EVI5: variants seen among roughly 807,000 people sequenced by gnomAD.
The protein encoded by EVI5 is ecotropic viral integration site 5 protein homolog.
EVI5 carries 73 observed loss-of-function variants against 112.0 expected under a neutral mutation model. That is an observed-to-expected ratio of 0.65 (90% confidence interval 0.54 to 0.79). EVI5 has a LOEUF of 0.79. Ranked by LOEUF, EVI5 falls within the 30% of genes least tolerant of loss-of-function variation. The pLI, the probability that EVI5 is intolerant of heterozygous loss-of-function variation, is 0.00. For missense variants in EVI5, 900 were observed against 968.8 expected, an observed-to-expected ratio of 0.93 and a Z score of 0.94; for synonymous variants, 305 against 319.9, an observed-to-expected ratio of 0.95 and a Z score of 0.50.
intron 10 of EVI5, among the ~76,000 whole-genome samples, chr1:92,675,021 A>G (rs1169990462): frequency 2.6e-5 from 4 of 152,244 alleles, no homozygotes; most frequent in Admixed American, 6.5e-5. Flanking sequence ...TATGAACTAT[A>G]TATTTCCTCA....
At chr1:92,663,280 C>T (rs1664324375) in intron 12 of EVI5, 140 bp downstream of exon 12, 2 of 443,062 alleles carry the variant, frequency 4.5e-6, no homozygotes. Context: ...AATTTATACC[C>T]ACATATACCA....
chr1:92,622,646 T>G (rs1654841503), intron 16 of EVI5, among the ~76,000 whole-genome samples: 1 of 152,238 alleles, frequency 6.6e-6, no homozygotes, highest in South Asian at 2.1e-4. Context: ...TACCCTATAC[T>G]ATTTTTATTT....
intron 19 of EVI5, among the ~76,000 whole-genome samples, chr1:92,559,099 T>G (rs1668118515): frequency 6.6e-6 from 1 of 152,296 alleles, no homozygotes; most frequent in East Asian, 1.9e-4. Flanking sequence ...CCTGTATACT[T>G]CAAATCATCT....
rs1474996611 is a variant in EVI5, at chr1:92,661,092, T to C, written c.1392+1627A>G. ...TTGGCAAAACAGGACTAGAATCTAG[T>C]TCCATAAATAAAATCCAAAGCTCTT... On this transcript the variant is annotated intron_variant, in intron 13 of 19. Transcript: ENST00000684568. 7.2e-5 allele frequency among the ~76,000 whole-genome samples: 11 copies of C among 152,094 alleles called. No individual in the cohort carries two copies. In the East Asian group the frequency reaches 1.2e-3, roughly 16 times the overall value.
At chr1:92,645,472 C>T (rs572261740) in intron 13 of EVI5, among the ~76,000 whole-genome samples, 13 of 152,298 alleles carry the variant, frequency 8.5e-5, no homozygotes, top group Admixed American at 2.0e-4. Flanking sequence ...CTGTCATTAG[C>T]TATCAAGCTC....
intron 2 of EVI5, among the ~76,000 whole-genome samples, chr1:92,727,399 C>T (rs1303122192): frequency 2.0e-5 from 3 of 152,124 alleles, no homozygotes; most frequent in South Asian, 2.1e-4. Context: ...GGCCATCTGA[C>T]TTACTTTGGC....
chr1:92,656,979 C>T (rs1663105420), intron 13 of EVI5, among the ~76,000 whole-genome samples: 1 of 152,080 alleles, frequency 6.6e-6, no homozygotes, highest in Admixed American at 6.6e-5. Flanking sequence ...AGTACCAATT[C>T]TCCTGAAACT....
intron 10 of EVI5, among the ~76,000 whole-genome samples, chr1:92,669,530 G>T (rs890721771): frequency 4.4e-5 from 1 of 22,472 alleles, no homozygotes; most frequent in Non-Finnish European, 9.0e-5. Context: ...CCTGGGCAAC[G>T]GAGCAAGGCT....
At position 92,625,850 on chromosome 1, in the gene EVI5, T is replaced by A; in HGVS notation, c.1612A>T (p.Ile538Phe). The change falls in exon 15 of 20, where the codon ATT (isoleucine) becomes TTT (phenylalanine). Residue 538 changes from isoleucine (I) to phenylalanine (F), a missense_variant. By Grantham distance (21) the Ile-to-Phe change is conservative. Coordinates refer to ENST00000684568, the MANE Select transcript of EVI5 (RefSeq NM_001350197.2). ...TGTCTAAGTTCTTTCAAACCCATAA[T>A]GGCTTCTGCTTCTCTAAGTTTCACA... is the stretch of plus-strand genomic sequence containing the variant. ...IAVKLREAEA[I>F]MGLKELRQQV... The A allele has an allele frequency of 6.2e-7, 1 of 1,612,798 alleles. No homozygotes were observed. The highest frequency in any genetic ancestry group is 1.3e-5 in the African/African-American group (1 of 75,024).
intron 5 of EVI5, among the ~76,000 whole-genome samples, chr1:92,699,799 C>T (rs757569218): frequency 1.4e-4 from 22 of 152,042 alleles, no homozygotes; most frequent in Non-Finnish European, 2.6e-4. Flanking sequence ...ATCTTATGGG[C>T]GCACCATCAC....
rs771101253 is a variant in EVI5, at chr1:92,695,354, G to C, written c.865C>G (p.Pro289Ala). 27 of 1,609,836 alleles carry C rather than the reference G, an allele frequency of 1.7e-5. No individual in the cohort carries two copies. The highest frequency in any genetic ancestry group is 2.2e-5 in the Non-Finnish European group (26 of 1,176,684). ...WFLTIFLTTF[P>A]LPIATRIFDI... ...AATATCCTTGTTGCAATTGGTAGTG[G>C]AAAAGTTGTAAGAAAGATAGTCAGA... The change falls in exon 7 of 20, where the codon CCA becomes GCA. Residue 289 changes from proline (P) to alanine (A), a missense_variant. Physicochemically the swap from Pro to Ala is conservative, Grantham distance 27. Coordinates refer to ENST00000684568, the MANE Select transcript of EVI5 (RefSeq NM_001350197.2).
intron 13 of EVI5, among the ~76,000 whole-genome samples, chr1:92,659,096 G>GA (rs1232734736): frequency 6.6e-6 from 1 of 151,260 alleles, no homozygotes; most frequent in Admixed American, 6.6e-5. Flanking sequence ...TAAAGAGAAG[G>GA]AAAAAAATAT....
chr1:92,576,233 G>A (rs1671063461), intron 18 of EVI5, among the ~76,000 whole-genome samples: 1 of 145,526 alleles, frequency 6.9e-6, no homozygotes, highest in South Asian at 2.1e-4. Flanking sequence ...CTACACATAT[G>A]TATGTCATGT....
At chr1:92,775,712 G>A (rs1431373495) in intron 1 of EVI5, among the ~76,000 whole-genome samples, 1 of 152,164 alleles carries the variant, frequency 6.6e-6, no homozygotes, top group Admixed American at 6.5e-5. Context: ...CCATTGTTAA[G>A]CAACACATGA....
rs577093836 is a variant in EVI5, at chr1:92,526,300, C to G, written c.2167-12330G>C. On this transcript the variant is annotated intron_variant, in intron 19 of 19. Coordinates refer to ENST00000684568, the MANE Select transcript of EVI5 (RefSeq NM_001350197.2). ...TCTTGAACTCCTGGGCTCAGGTGAT[C>G]CTTCCACCTCAGCCTCCCAAAGTGT... is the stretch of plus-strand genomic sequence containing the variant. 4.6e-5 allele frequency among the ~76,000 whole-genome samples: 7 copies of G among 152,294 alleles called. No individual in the cohort carries two copies. The East Asian group carries it at 1.3e-3, about 29-fold the overall frequency.
At chr1:92,700,002 G>A (rs1173583051) in intron 5 of EVI5, among the ~76,000 whole-genome samples, 1 of 152,004 alleles carries the variant, frequency 6.6e-6, no homozygotes, top group Non-Finnish European at 1.5e-5. Context: ...AATAAGTTGA[G>A]GTAATTTGAC....
intron 1 of EVI5, among the ~76,000 whole-genome samples, chr1:92,765,744 A>C (rs1682528326): frequency 6.6e-6 from 1 of 152,088 alleles, no homozygotes; most frequent in Admixed American, 6.6e-5. Context: ...CTGTATTACC[A>C]AATTACTGAC....
At chr1:92,584,993 G>C (rs1359285439) in intron 18 of EVI5, among the ~76,000 whole-genome samples, 1 of 152,144 alleles carries the variant, frequency 6.6e-6, no homozygotes, top group Non-Finnish European at 1.5e-5. Flanking sequence ...GGAGGCCGAG[G>C]TGAGCAGATC....
chr1:92,742,532 G>C (rs1678574951), intron 1 of EVI5, among the ~76,000 whole-genome samples: 1 of 151,868 alleles, frequency 6.6e-6, no homozygotes, highest in South Asian at 2.1e-4. Context: ...AATTAGCTGG[G>C]TGTGGTGGCG....
Sources: gnomAD v4.1 joint callset for allele counts (sites outside exome capture counted in the v4.1 genomes callset) on GRCh38, gnomAD v4.1.1 for gene constraint, MANE v1.5 for transcripts, NCBI Gene and HGNC (gene_info 2026-07-23, HGNC 2026-07-21) for gene names.